The following EHBP1 variants were observed in gnomAD, a reference collection of about 807,000 sequenced individuals.
EHBP1 encodes the protein EH domain-binding protein 1.
A neutral mutation model predicts 144.0 loss-of-function variants in EHBP1; 55 were observed. The observed-to-expected ratio is 0.38, with a 90% CI of 0.31 to 0.48. EHBP1 has a LOEUF of 0.48. Ranked by LOEUF, EHBP1 falls within the 20% of genes least tolerant of loss-of-function variation. The pLI is 0.98. For missense variants in EHBP1, 1,200 were observed against 1,364.2 expected (o/e 0.88, Z 1.90); for synonymous variants, 469 against 472.7 (o/e 0.99, Z 0.10).
chr2:62,702,453 T>A (rs1328956528), upstream of EHBP1, among the ~76,000 whole-genome samples: 2 of 151,856 alleles, frequency 1.3e-5, no homozygotes, highest in Non-Finnish European at 2.9e-5. Flanking sequence ...GGAGGGTGAG[T>A]AGGAGGTACC....
intron 1 of EHBP1, among the ~76,000 whole-genome samples, chr2:62,686,365 G>T (rs1011135915): frequency 6.6e-6 from 1 of 152,172 alleles, no homozygotes; most frequent in African/African-American, 2.4e-5. Context: ...CCTAATTCCA[G>T]GGCCAAGTCT....
intron 10 of EHBP1, among the ~76,000 whole-genome samples, chr2:62,917,042 T>C (rs866108964): frequency 6.6e-6 from 1 of 152,136 alleles, no homozygotes; most frequent in Admixed American, 6.6e-5. Flanking sequence ...TTTGTCATTA[T>C]ATGAACATCT....
chr2:62,774,843 TCAAA>T (rs1205225442), intron 5 of EHBP1, among the ~76,000 whole-genome samples: 2 of 152,042 alleles, frequency 1.3e-5, no homozygotes, highest in Non-Finnish European at 2.9e-5. Flanking sequence ...AAACCCTGTC[TCAAA>T]CAAAACAAAA....
At chr2:63,020,463 A>C (rs1376193164) in intron 19 of EHBP1, among the ~76,000 whole-genome samples, 2 of 151,184 alleles carry the variant, frequency 1.3e-5, no homozygotes, top group African/African-American at 4.9e-5. Flanking sequence ...AGATTGTACC[A>C]CTGCACTCAA....
intron 1 of EHBP1, among the ~76,000 whole-genome samples, chr2:62,677,301 T>C (rs2033334872): frequency 6.6e-6 from 1 of 152,202 alleles, no homozygotes; most frequent in Admixed American, 6.5e-5. Flanking sequence ...GTAAAAGTAA[T>C]ATTCATTGCC....
chr2:62,902,797 T>A (rs1232048709), intron 10 of EHBP1, among the ~76,000 whole-genome samples: 1 of 152,250 alleles, frequency 6.6e-6, no homozygotes. Context: ...AAACAGTTAT[T>A]GCATATAAAT....
intron 19 of EHBP1, among the ~76,000 whole-genome samples, chr2:63,002,479 T>C (rs188383457): frequency 1.2e-4 from 19 of 152,264 alleles, no homozygotes; most frequent in Admixed American, 9.8e-4. Flanking sequence ...GAAGAACTTA[T>C]AGAAAATTAG....
intron 14 of EHBP1, among the ~76,000 whole-genome samples, chr2:62,971,781 G>A (rs1464007410): frequency 1.3e-5 from 2 of 152,102 alleles, no homozygotes; most frequent in Admixed American, 6.6e-5. Context: ...TCAAAAATTT[G>A]TTACAAATTG....
chr2:62,869,730 A>C (rs2050315263), intron 9 of EHBP1, among the ~76,000 whole-genome samples: 1 of 152,228 alleles, frequency 6.6e-6, no homozygotes, highest in South Asian at 2.1e-4. Flanking sequence ...TCACACTTGC[A>C]TGCATGCATA....
intron 10 of EHBP1, among the ~76,000 whole-genome samples, chr2:62,920,503 G>C (rs2054984585): frequency 6.6e-6 from 1 of 152,058 alleles, no homozygotes; most frequent in Admixed American, 6.6e-5. Context: ...GAAATGAAAG[G>C]GTATTAGTAA....
chr2:62,842,156 G>A (rs1022490825), intron 7 of EHBP1, among the ~76,000 whole-genome samples: 10 of 151,830 alleles, frequency 6.6e-5, no homozygotes, highest in Admixed American at 2.0e-4. Flanking sequence ...ACACAGTCTC[G>A]GCTCACTGTA....
chr2:62,913,180 G>A (rs2054352865), intron 10 of EHBP1, among the ~76,000 whole-genome samples: 1 of 152,164 alleles, frequency 6.6e-6, no homozygotes, highest in Admixed American at 6.5e-5. Flanking sequence ...AAACATTTAT[G>A]TTTTAAGATT....
chr2:63,038,888 C>T (rs768507505), intron 21 of EHBP1, 72 bp downstream of exon 21: 5 of 1,414,968 alleles, frequency 3.5e-6, no homozygotes, highest in Non-Finnish European at 1.0e-6. Context: ...ATATAATACA[C>T]TTCTGGTCTT....
chr2:62,955,476 G>GT (rs5831652), intron 13 of EHBP1, 41 bp from the exon 14 acceptor site: 250,425 of 1,271,056 alleles, frequency 0.2, 8,320 homozygotes, highest in Middle Eastern at 0.27. Flanking sequence ...TAGATTACCC[G>GT]TTTTTTTTTT....
intron 10 of EHBP1, among the ~76,000 whole-genome samples, chr2:62,941,978 G>T (rs2056781858): frequency 6.6e-6 from 1 of 151,930 alleles, no homozygotes; most frequent in South Asian, 2.1e-4. Flanking sequence ...TATTATTATT[G>T]ATGTTTTAAG....
intron 15 of EHBP1, among the ~76,000 whole-genome samples, chr2:62,987,124 G>A (rs946259005): frequency 6.6e-6 from 1 of 152,142 alleles, no homozygotes; most frequent in African/African-American, 2.4e-5. Flanking sequence ...AATTGCTGCT[G>A]TGCCTTTTCA....
intron 9 of EHBP1, among the ~76,000 whole-genome samples, chr2:62,867,398 A>G (rs952195413): frequency 6.6e-6 from 1 of 152,168 alleles, no homozygotes; most frequent in Non-Finnish European, 1.5e-5. Flanking sequence ...ACAGGCTACA[A>G]TATTAATATA....
chr2:62,848,581 G>T (rs2048460916), intron 7 of EHBP1, among the ~76,000 whole-genome samples: 1 of 152,180 alleles, frequency 6.6e-6, no homozygotes, highest in Non-Finnish European at 1.5e-5. Context: ...TTCATGAATG[G>T]AATACTACTC....
In EHBP1 at chr2:62,707,163, G is replaced by A. The variant is rs747477985; in HGVS notation, c.-29G>A. 1.7e-5 allele frequency: 27 copies of A among 1,586,680 alleles called. No individual in the cohort carries two copies. The East Asian group carries it at 6.0e-4, about 35-fold the overall frequency. On this transcript the variant is annotated 5_prime_UTR_variant, in exon 2 of 23. Transcript: ENST00000431489. ...TTAAAGCTGCTGTATTGCTAACCCA[G>A]AACTGCTCCAGTGTCTTGACTGATC... is the stretch of plus-strand genomic sequence containing the variant.
Sources: gnomAD v4.1 joint callset for allele counts (sites outside exome capture counted in the v4.1 genomes callset) on GRCh38, gnomAD v4.1.1 for gene constraint, MANE v1.5 for transcripts, NCBI Gene and HGNC (gene_info 2026-07-23, HGNC 2026-07-21) for gene names.